TEX11: variants seen among roughly 807,000 people sequenced by gnomAD.
The protein encoded by TEX11 is testis expressed 11.
A neutral mutation model predicts 84.4 loss-of-function variants in TEX11; 7 were observed. That is an observed-to-expected ratio of 0.08 (90% CI 0.05 to 0.16). TEX11 has a LOEUF of 0.16. Among genes scored for constraint, TEX11 ranks in the 10% least tolerant of loss-of-function variants. The probability of loss-of-function intolerance (pLI) is 1.00; values close to 1 mark genes in which losing one functional copy is unlikely to be tolerated. For missense variants in TEX11, 551 were observed against 660.5 expected, an observed-to-expected ratio of 0.83 and a Z score of 1.82; for synonymous variants, 264 against 222.8, an observed-to-expected ratio of 1.18 and a Z score of -1.64.
At chrX:70,870,602 T>G (rs2091624923) in intron 4 of TEX11, among the ~76,000 whole-genome samples, 1 of 111,838 alleles carries the variant, frequency 8.9e-6, no homozygotes, top group African/African-American at 3.2e-5. Context: ...CCCAAAGTGC[T>G]GGGATTACAG....
intron 28 of TEX11, among the ~76,000 whole-genome samples, chrX:70,543,879 C>G (rs910459370): frequency 1.4e-4 from 16 of 112,082 alleles, no homozygotes; most frequent in African/African-American, 5.2e-4. Flanking sequence ...CACACCTAGG[C>G]GATATGGTAA....
chrX:70,698,815 C>A (rs6653303), intron 13 of TEX11, among the ~76,000 whole-genome samples: 1,119 of 111,343 alleles, frequency 0.01, 13 homozygotes, highest in African/African-American at 0.035. Flanking sequence ...TAGTGAAAAT[C>A]CTTATATGGC....
At chrX:70,646,236 TG>T (rs937469351) in intron 17 of TEX11, among the ~76,000 whole-genome samples, 1 of 112,178 alleles carries the variant, frequency 8.9e-6, no homozygotes, top group African/African-American at 3.2e-5. Flanking sequence ...GAATAAAATT[TG>T]ACCCTTTTCT....
chrX:70,716,065 C>T (rs1468558690), intron 13 of TEX11, among the ~76,000 whole-genome samples: 1 of 108,877 alleles, frequency 9.2e-6, no homozygotes, highest in Non-Finnish European at 1.9e-5. Context: ...ACTCCAGACC[C>T]TGTTTGCCTG....
chrX:70,897,157 CAT>C (rs200231511), intron 2 of TEX11, among the ~76,000 whole-genome samples: 13 of 23,984 alleles, frequency 5.4e-4, no homozygotes, highest in East Asian at 2.7e-3. Flanking sequence ...TTATATATAA[CAT>C]ATATATTTTT....
intron 8 of TEX11, among the ~76,000 whole-genome samples, chrX:70,807,355 C>T (rs1278423358): frequency 8.9e-6 from 1 of 111,802 alleles, no homozygotes; most frequent in Non-Finnish European, 1.9e-5. Context: ...TTCATGGACA[C>T]TCTTTAGCAT....
chrX:70,677,810 C>CTTTTTTTTTTTTTTTTTTTTTTTT, intron 15 of TEX11, among the ~76,000 whole-genome samples: 1 of 63,582 alleles, frequency 1.6e-5, no homozygotes, highest in Non-Finnish European at 2.7e-5. Flanking sequence ...CTTTTCTTTC[C>CTTTTTTTTTTTTTTTTTTTTTTTT]TTTTTTTTTT....
At chrX:70,900,981 G>A (rs1303784655) in intron 2 of TEX11, among the ~76,000 whole-genome samples, 1 of 111,558 alleles carries the variant, frequency 9.0e-6, no homozygotes, top group Non-Finnish European at 1.9e-5. Context: ...AAAAAGGCCA[G>A]TAGGCAGGCA....
At chrX:70,859,633 T>C (rs2091558450) in intron 5 of TEX11, among the ~76,000 whole-genome samples, 1 of 108,897 alleles carries the variant, frequency 9.2e-6, no homozygotes, top group Non-Finnish European at 1.9e-5. Flanking sequence ...AGAAAATCAC[T>C]TTTTATTACT....
chrX:70,631,238 T>A, intron 17 of TEX11, among the ~76,000 whole-genome samples: 1 of 111,819 alleles, frequency 8.9e-6, no homozygotes, highest in Non-Finnish European at 1.9e-5. Flanking sequence ...AAAAACAATA[T>A]TCTAGGCCCT....
chrX:70,887,006 G>A (rs906963868), intron 2 of TEX11, among the ~76,000 whole-genome samples: 2 of 111,655 alleles, frequency 1.8e-5, no homozygotes, highest in African/African-American at 6.5e-5. Flanking sequence ...ACATCTCAGA[G>A]TCTCGCCCAA....
intron 3 of TEX11, among the ~76,000 whole-genome samples, chrX:70,875,865 A>G (rs1367246960): frequency 1.8e-5 from 2 of 112,404 alleles, no homozygotes; most frequent in Non-Finnish European, 3.8e-5. Flanking sequence ...GGAAAGATAC[A>G]AAACTGTATG....
intron 15 of TEX11, among the ~76,000 whole-genome samples, chrX:70,671,454 TATTAGAAATAGTCA>T (rs1276959692): frequency 9.0e-6 from 1 of 111,390 alleles, no homozygotes; most frequent in East Asian, 2.8e-4. Flanking sequence ...AAATATGTCA[TATTAGAAATAGTCA>T]ATTAGAAATA....
chrX:70,759,774 C>A (rs1277154290), intron 9 of TEX11, among the ~76,000 whole-genome samples: 1 of 111,279 alleles, frequency 9.0e-6, no homozygotes, highest in Non-Finnish European at 1.9e-5. Context: ...GACAATCAGG[C>A]AAGAGAAAGA....
chrX:70,840,914 C>G lies in TEX11; in HGVS notation c.526-7321G>C, dbSNP rs1446949467. Among the ~76,000 whole-genome samples, 3 of 111,059 alleles carry G rather than the reference C, an allele frequency of 2.7e-5. No homozygotes were observed. The East Asian group carries it at 8.4e-4, about 31-fold the overall frequency. Reference sequence around the variant, plus strand: ...TTACATAATGGTAAAGGGATCAATTCAACAAGAAGAACTAACTATCCTAAA... The same window carrying G: ...TTACATAATGGTAAAGGGATCAATTGAACAAGAAGAACTAACTATCCTAAA... On this transcript the variant is annotated intron_variant, in intron 7 of 29. Coordinates refer to ENST00000374333, the MANE Select transcript of TEX11 (RefSeq NM_031276.3).
intron 5 of TEX11, among the ~76,000 whole-genome samples, chrX:70,860,517 T>G (rs2147858271): frequency 9.0e-6 from 1 of 111,610 alleles, no homozygotes; most frequent in Admixed American, 9.6e-5. Flanking sequence ...CTTCAAATTT[T>G]TCATTTGAAA....
At chrX:70,838,771 G>A (rs1346596609) in intron 7 of TEX11, among the ~76,000 whole-genome samples, 1 of 112,205 alleles carries the variant, frequency 8.9e-6, no homozygotes, top group East Asian at 2.8e-4. Flanking sequence ...CTGGAAAATC[G>A]GGTCACTCCC....
At chrX:70,902,942 T>C (rs2091811150) in intron 2 of TEX11, among the ~76,000 whole-genome samples, 1 of 112,339 alleles carries the variant, frequency 8.9e-6, no homozygotes, top group South Asian at 3.7e-4. Context: ...GTTAACATTA[T>C]TAATTTTACT....
chrX:70,817,480 G>A (rs2091294757), intron 8 of TEX11, among the ~76,000 whole-genome samples: 1 of 112,153 alleles, frequency 8.9e-6, no homozygotes, highest in Admixed American at 9.5e-5. Context: ...GGCTGAGGTG[G>A]GAAGATTGCT....
Sources: gnomAD v4.1 joint callset for allele counts (sites outside exome capture counted in the v4.1 genomes callset) on GRCh38, gnomAD v4.1.1 for gene constraint, MANE v1.5 for transcripts, NCBI Gene and HGNC (gene_info 2026-07-23, HGNC 2026-07-21) for gene names.